The following NCAPD2 variants were observed in gnomAD, a reference collection of about 807,000 sequenced individuals.
The protein encoded by NCAPD2 is non-SMC condensin I complex subunit D2, also known as condensin complex subunit 1.
A neutral mutation model predicts 164.5 loss-of-function variants in NCAPD2; 100 were observed. The observed-to-expected ratio is 0.61, with a 90% CI of 0.52 to 0.72. NCAPD2 has a LOEUF of 0.72. Ranked by LOEUF, NCAPD2 falls within the 30% of genes least tolerant of loss-of-function variation. The pLI is 0.00. For missense variants in NCAPD2, 1,560 were observed against 1,749.2 expected (o/e 0.89, Z 1.93); for synonymous variants, 585 against 642.6 (o/e 0.91, Z 1.36).
chr12:6,517,788 T>C lies in NCAPD2; in HGVS notation c.1418T>C (p.Leu473Pro), dbSNP rs940447004. Residue 473 changes from leucine to proline, a missense_variant, in exon 13 of 32, where the codon CTG (leucine) becomes CCG (proline). By Grantham distance (98) the Leu-to-Pro change is moderately conservative (BLOSUM62 -3). Coordinates refer to ENST00000315579, the MANE Select transcript of NCAPD2 (RefSeq NM_014865.4). ...TGACACTCTCATTTAGCTGCAGTGCTGGACCCAGAGGAGGAGTGGGAAGCC... is the reference window on the plus strand; with the variant it reads ...TGACACTCTCATTTAGCTGCAGTGCCGGACCCAGAGGAGGAGTGGGAAGCC... Reference protein sequence around the residue: ...QRRTAAASAVLDPEEEWEAML... With the variant: ...QRRTAAASAVPDPEEEWEAML... 11 of 1,614,140 alleles carry C rather than the reference T, an allele frequency of 6.8e-6. No homozygotes were observed. The highest frequency in any genetic ancestry group is 1.1e-5 in the South Asian group (1 of 91,080).
At chr12:6,529,439 G>T in intron 27 of NCAPD2, 74 bp from the exon 28 acceptor site, 1 of 1,296,174 alleles carries the variant, frequency 7.7e-7, no homozygotes, top group Middle Eastern at 1.8e-4. Context: ...GCTGGGGGAG[G>T]GTCCAGGGTT....
Position 6,511,265 on chromosome 12 carries a change from G to A in NCAPD2, c.587+13G>A. On this transcript the variant is annotated intron_variant, in intron 6 of 31. Transcript: ENST00000315579. ...AAGAATTTGTCAGGTGGGTAGGGAG[G>A]ATGGCTACAGATAATACTGAGCTGT... 6.2e-7 allele frequency: 1 copy of A among 1,613,852 alleles called. No homozygotes were observed. The highest frequency in any genetic ancestry group is 8.5e-7 in the Non-Finnish European group (1 of 1,179,850).
intron 2 of NCAPD2, among the ~76,000 whole-genome samples, chr12:6,504,226 T>G (rs1451829402): frequency 7.7e-5 from 5 of 65,152 alleles, no homozygotes; most frequent in East Asian, 5.6e-4. Flanking sequence ...TAGATATAGA[T>G]ATATATATAT....
rs748281863 is a variant in NCAPD2 at position 6,526,590 on chromosome 12, G to A, written c.2709G>A (p.Glu903=). 1.2e-6 allele frequency: 2 copies of A among 1,614,050 alleles called. No individual in the cohort carries two copies. The highest frequency in any genetic ancestry group is 2.2e-5 in the South Asian group (2 of 91,074). ...AACAGGCCCTGGAGAAGCTAGAAGA[G>A]AAGAGAACCAGTCAGGAGGACCCGA... ...CAKQALEKLE[E]KRTSQEDPKE... The change falls in exon 21 of 32, where the codon GAG becomes GAA. Residue 903 remains glutamate, a synonymous_variant. Transcript: ENST00000315579.
At chr12:6,509,907 T>C in intron 3 of NCAPD2, 115 bp downstream of exon 3, 2 of 1,260,068 alleles carry the variant, frequency 1.6e-6, no homozygotes, top group Non-Finnish European at 2.2e-6. Context: ...CCTCTGGATA[T>C]TGATATCTCT....
At position 6,527,023 on chromosome 12, in the gene NCAPD2, G is replaced by A. The variant is rs764641749; in HGVS notation, c.2867G>A (p.Arg956Gln). The A allele has an allele frequency of 3.2e-5, 51 of 1,613,642 alleles. No homozygotes were observed. The highest frequency in any genetic ancestry group is 3.1e-4 in the African/African-American group (23 of 74,862). Residue 956 changes from arginine (R) to glutamine (Q), a missense_variant, in exon 22 of 32, where the codon CGG becomes CAG. Physicochemically the swap from Arg to Gln is conservative, Grantham distance 43. Coordinates refer to ENST00000315579, the MANE Select transcript of NCAPD2 (RefSeq NM_014865.4). Reference protein sequence around the residue: ...SGELCRRRVLREEQEHKTKDP... With the variant: ...SGELCRRRVLQEEQEHKTKDP... ...GAGCTCTGCCGGCGCCGAGTTCTCCGGGAAGAACAGGAGCACAAGACCAAA... is the reference window on the plus strand; with the variant it reads ...GAGCTCTGCCGGCGCCGAGTTCTCCAGGAAGAACAGGAGCACAAGACCAAA...
At chr12:6,503,751 A>G (rs1320768830) in intron 2 of NCAPD2, among the ~76,000 whole-genome samples, 1 of 148,110 alleles carries the variant, frequency 6.8e-6, no homozygotes. Flanking sequence ...AGCCTGGGTG[A>G]CAGAGCGAGA....
intron 2 of NCAPD2, among the ~76,000 whole-genome samples, chr12:6,506,556 C>T (rs998149095): frequency 1.3e-5 from 2 of 151,296 alleles, no homozygotes; most frequent in Non-Finnish European, 2.9e-5. Flanking sequence ...CACCACTGCA[C>T]TCCAGCCTGG....
rs201397553 is a variant in NCAPD2 at position 6,528,658 on chromosome 12, G to A, written c.3300-21G>A. The A allele has an allele frequency of 8.7e-6, 14 of 1,602,664 alleles. No individual in the cohort carries two copies. The highest frequency in any genetic ancestry group is 1.2e-5 in the Non-Finnish European group (14 of 1,171,334). On this transcript the variant is annotated intron_variant, in intron 25 of 31. Coordinates refer to ENST00000315579, the MANE Select transcript of NCAPD2 (RefSeq NM_014865.4). This position sits in a 1 kb window ranked among gnomAD's most constrained non-coding sequence, Gnocchi z 5.1. ...GTAGCCCGGAGGTCTCGGTCCCCAT[G>A]ACCCGCAATTCCATTCCTAGTCTCC...
At chr12:6,520,728 T>A (rs1404975759) in intron 13 of NCAPD2, among the ~76,000 whole-genome samples, 1 of 152,196 alleles carries the variant, frequency 6.6e-6, no homozygotes, top group Non-Finnish European at 1.5e-5. Flanking sequence ...TTATTGGAGT[T>A]TTTTTGAAGA....
intron 15 of NCAPD2, 81 bp from the exon 16 acceptor site, chr12:6,522,747 C>G: frequency 6.7e-7 from 1 of 1,497,952 alleles, no homozygotes; most frequent in Non-Finnish European, 9.1e-7. Flanking sequence ...TTGCATCTTG[C>G]TACATTCAGA....
Position 6,514,793 on chromosome 12 carries a change from C to G in NCAPD2, c.860C>G (p.Pro287Arg), listed in dbSNP as rs1946183869. The change falls in exon 9 of 32, where the codon CCC becomes CGC. Residue 287 changes from proline to arginine, a missense_variant. Transcript: ENST00000315579. Reference sequence around the variant, plus strand: ...TGTAGAGAGATTGGACAAAAGTGTCCCCAAGAGCTGAGTCGAGACCCTTCA... The same window carrying G: ...TGTAGAGAGATTGGACAAAAGTGTCGCCAAGAGCTGAGTCGAGACCCTTCA... ...EIVREIGQKC[P>R]QELSRDPSGT... 6.2e-7 allele frequency: 1 copy of G among 1,614,058 alleles called. No individual in the cohort carries two copies. Among genetic ancestry groups the G allele is most frequent in the Non-Finnish European group, 8.5e-7 (1 of 1,180,006 alleles).
rs770833971 is a variant in NCAPD2, at chr12:6,525,735, AGGCAAT to A, written c.2348+22_2348+27del. On this transcript the variant is annotated intron_variant, in intron 18 of 31. Coordinates refer to ENST00000315579, the MANE Select transcript of NCAPD2 (RefSeq NM_014865.4). The stretch of plus-strand genomic sequence containing the variant: ...TGGCACGGTGAGGCTCAAATCTAGC[AGGCAAT>A]GGGGTGGGAGAGCAAAGGAAGGTTC... 6.2e-7 allele frequency: 1 copy of A among 1,611,424 alleles called. No individual in the cohort carries two copies. The highest frequency in any genetic ancestry group is 1.1e-5 in the South Asian group (1 of 91,022).
In NCAPD2 at chr12:6,527,079, C is replaced by T. The variant is rs754276714; in HGVS notation, c.2907+16C>T. On this transcript the variant is annotated intron_variant, in intron 22 of 31. Coordinates refer to ENST00000315579, the MANE Select transcript of NCAPD2 (RefSeq NM_014865.4). Reference sequence around the variant, plus strand: ...CAAGGAGAAGGTGTGTGAATGTCCTCAGCACTTCCCAGATTTATTTCATAC... The same window carrying T: ...CAAGGAGAAGGTGTGTGAATGTCCTTAGCACTTCCCAGATTTATTTCATAC... 5.7e-6 allele frequency: 9 copies of T among 1,590,044 alleles called. No individual in the cohort carries two copies. The South Asian group carries it at 7.9e-5, about 14-fold the overall frequency.
chr12:6,523,309 A>AT lies in NCAPD2; in HGVS notation c.2178dup (p.Ala727CysfsTer10). 1.2e-6 allele frequency: 2 copies of AT among 1,613,270 alleles called. No individual in the cohort carries two copies. The highest frequency in any genetic ancestry group is 1.7e-6 in the Non-Finnish European group (2 of 1,179,694). On this transcript the variant is annotated frameshift_variant, in exon 17 of 32. Coordinates refer to ENST00000315579, the MANE Select transcript of NCAPD2 (RefSeq NM_014865.4). LOFTEE classifies it high-confidence loss of function. ...CAGAATCTCTCTCTGCTGCTAGTGG[A>AT]TGCCTCGGTTGGGACCATTCAGTGT...
chr12:6,521,833 G>C lies in NCAPD2; in HGVS notation c.1750G>C (p.Glu584Gln). The C allele has an allele frequency of 1.2e-6, 2 of 1,614,032 alleles. No homozygotes were observed. The highest frequency in any genetic ancestry group is 1.7e-6 in the Non-Finnish European group (2 of 1,179,962). Reference protein sequence around the residue: ...AASTQEKNPRESTGNMVTGQT... With the variant: ...AASTQEKNPRQSTGNMVTGQT... ...TTCCACACAAGAAAAGAATCCCCGG[G>C]AGTCTACAGGAAACATGGTCACAGG... Residue 584 changes from glutamate (E) to glutamine (Q), a missense_variant, in exon 15 of 32, where the codon GAG (glutamate) becomes CAG (glutamine). Transcript: ENST00000315579.
In NCAPD2 at chr12:6,529,823, C is replaced by T. The variant is rs775836964; in HGVS notation, c.3702C>T (p.Pro1234=). 3.7e-6 allele frequency: 6 copies of T among 1,614,096 alleles called. No individual in the cohort carries two copies. Among genetic ancestry groups the T allele is most frequent in the Non-Finnish European group, 5.1e-6 (6 of 1,180,026 alleles). Residue 1234 remains proline (P), a synonymous_variant, in exon 29 of 32, where the codon CCC becomes CCT. Transcript: ENST00000315579. ...RDLAYCVSQL[P]LTERGLRKML... ...TGGCCTACTGTGTGTCACAGCTGCC[C>T]CTCACAGAGCGAGGCCTCCGTAAGA...
intron 22 of NCAPD2, 150 bp downstream of exon 22, chr12:6,527,213 T>G: frequency 1.2e-6 from 1 of 861,800 alleles, no homozygotes; most frequent in Non-Finnish European, 1.7e-6. Flanking sequence ...GAAAGGTTCG[T>G]GTGAACAATG....
At chr12:6,505,857 T>C (rs1236807218) in intron 2 of NCAPD2, among the ~76,000 whole-genome samples, 5 of 152,062 alleles carry the variant, frequency 3.3e-5, no homozygotes, top group Admixed American at 2.0e-4. Context: ...AGCAAGAACC[T>C]GTCTCAGAAA....
Sources: allele counts gnomAD v4.1 joint callset (sites outside exome capture counted in the v4.1 genomes callset), GRCh38; gene constraint gnomAD v4.1.1; non-coding constraint Gnocchi (gnomAD v3.1); transcripts MANE v1.5; gene names NCBI Gene and HGNC (gene_info 2026-07-23, HGNC 2026-07-21).